The following SLC25A48 variants were observed in gnomAD, a reference collection of about 807,000 sequenced individuals.
SLC25A48 encodes solute carrier family 25 member 48.
In SLC25A48, 29 loss-of-function variants were observed where a neutral mutation model predicts 32.2. The observed-to-expected ratio is 0.90, with a 90% CI of 0.67 to 1.23. SLC25A48 has a LOEUF of 1.23. Ranked by LOEUF, SLC25A48 falls within the 50% of genes most tolerant of loss-of-function variation. The pLI is 0.00. For missense variants in SLC25A48, 399 were observed against 422.7 expected (o/e 0.94, Z 0.49); for synonymous variants, 164 against 172.3 (o/e 0.95, Z 0.38).
intron 3 of SLC25A48, among the ~76,000 whole-genome samples, chr5:135,772,749 T>G (rs1049239514): frequency 2.0e-5 from 3 of 151,456 alleles, no homozygotes; most frequent in Admixed American, 6.6e-5. Context: ...GATGGTGTGA[T>G]ATTTTTCGTA....
chr5:135,801,653 C>T (rs1414229347), intron 3 of SLC25A48, among the ~76,000 whole-genome samples: 1 of 151,144 alleles, frequency 6.6e-6, no homozygotes, highest in Non-Finnish European at 1.5e-5. Context: ...TGATATTACC[C>T]TCAATATCAC....
chr5:135,746,451 T>C, intron 3 of SLC25A48: 1 of 224,100 alleles, frequency 4.5e-6, no homozygotes, highest in Non-Finnish European at 8.7e-6. Context: ...AGGCACCTTC[T>C]CCATTCTGTC....
At chr5:135,590,678 C>A (rs1401990815) in intron 1 of SLC25A48, among the ~76,000 whole-genome samples, 2 of 152,152 alleles carry the variant, frequency 1.3e-5, no homozygotes, top group African/African-American at 4.8e-5. Context: ...CTGGCCCACC[C>A]CCACCCCAAC....
intron 4 of SLC25A48, among the ~76,000 whole-genome samples, chr5:135,823,534 C>G (rs1432923602): frequency 1.3e-5 from 2 of 152,208 alleles, no homozygotes; most frequent in African/African-American, 2.4e-5. Flanking sequence ...TCTTCCAATA[C>G]TTGGTGTCTA....
chr5:135,785,064 G>T (rs1328325599), intron 3 of SLC25A48, among the ~76,000 whole-genome samples: 1 of 152,008 alleles, frequency 6.6e-6, no homozygotes, highest in Non-Finnish European at 1.5e-5. Flanking sequence ...ATGTACACAC[G>T]CACTCTAATA....
chr5:135,645,447 C>T (rs1315697122), intron 3 of SLC25A48, among the ~76,000 whole-genome samples: 3 of 152,180 alleles, frequency 2.0e-5, no homozygotes, highest in African/African-American at 4.8e-5. Flanking sequence ...ACCTTGAGGA[C>T]GAAATGGGGA....
chr5:135,829,465 A>C (rs925449713), intron 4 of SLC25A48, among the ~76,000 whole-genome samples: 1 of 152,196 alleles, frequency 6.6e-6, no homozygotes, highest in Non-Finnish European at 1.5e-5. Context: ...TCAAGCTGAT[A>C]TCGCCGCGGC....
intron 3 of SLC25A48, among the ~76,000 whole-genome samples, chr5:135,803,237 A>G (rs1757377301): frequency 6.6e-6 from 1 of 151,500 alleles, no homozygotes; most frequent in African/African-American, 2.4e-5. Context: ...TACTTGGCAG[A>G]TGTTATTTAT....
upstream of SLC25A48, among the ~76,000 whole-genome samples, chr5:135,830,199 C>G (rs1285643618): frequency 2.0e-5 from 3 of 152,196 alleles, no homozygotes; most frequent in Non-Finnish European, 4.4e-5. Context: ...GCCAGGCAAA[C>G]CGGGCCAGGA....
chr5:135,643,731 A>T (rs1021449311), intron 3 of SLC25A48, among the ~76,000 whole-genome samples: 10 of 152,174 alleles, frequency 6.6e-5, no homozygotes, highest in African/African-American at 2.4e-4. Context: ...CTCCCAGGTT[A>T]GTGAGCAGCG....
chr5:135,661,616 G>T (rs1339683186), intron 3 of SLC25A48, among the ~76,000 whole-genome samples: 3 of 152,004 alleles, frequency 2.0e-5, no homozygotes, highest in African/African-American at 7.3e-5. Context: ...TTCCCTCCCC[G>T]GTCCTTTTCT....
intron 1 of SLC25A48, among the ~76,000 whole-genome samples, chr5:135,840,300 T>C (rs752194628): frequency 9.2e-5 from 14 of 152,244 alleles, no homozygotes; most frequent in Non-Finnish European, 1.8e-4. Context: ...AGGTAGGTGC[T>C]GTTATTATTC....
chr5:135,736,301 T>C (rs1755359125), intron 3 of SLC25A48, among the ~76,000 whole-genome samples: 1 of 152,114 alleles, frequency 6.6e-6, no homozygotes, highest in Admixed American at 6.5e-5. Flanking sequence ...TCTTGTAGGA[T>C]GGTGAAATTG....
chr5:135,793,447 G>A (rs1384765260), intron 3 of SLC25A48, among the ~76,000 whole-genome samples: 1 of 151,456 alleles, frequency 6.6e-6, no homozygotes, highest in Non-Finnish European at 1.5e-5. Context: ...GTACATTCTG[G>A]GATATTATCC....
chr5:135,697,631 G>A (rs1297911622), intron 3 of SLC25A48, among the ~76,000 whole-genome samples: 4 of 152,128 alleles, frequency 2.6e-5, no homozygotes, highest in African/African-American at 9.7e-5. Flanking sequence ...AAAGTACCAG[G>A]TCCTACATAA....
intron 3 of SLC25A48, among the ~76,000 whole-genome samples, chr5:135,798,924 T>C (rs575098552): frequency 6.6e-6 from 1 of 150,568 alleles, no homozygotes; most frequent in African/African-American, 2.4e-5. Flanking sequence ...TCCTAAAGAG[T>C]GTACACCTGC....
intron 1 of SLC25A48, among the ~76,000 whole-genome samples, chr5:135,588,453 C>T (rs1011124091): frequency 2.0e-5 from 3 of 152,174 alleles, no homozygotes; most frequent in Non-Finnish European, 2.9e-5. Flanking sequence ...TGCTCTGTGC[C>T]GGGGTTGCAG....
intron 3 of SLC25A48, among the ~76,000 whole-genome samples, chr5:135,752,463 C>A (rs1264333839): frequency 1.3e-5 from 2 of 152,212 alleles, no homozygotes; most frequent in African/African-American, 4.8e-5. Context: ...AATAGTATCA[C>A]AACGTGTCCA....
intron 3 of SLC25A48, among the ~76,000 whole-genome samples, chr5:135,767,614 A>C (rs1756276940): frequency 6.6e-6 from 1 of 151,852 alleles, no homozygotes; most frequent in African/African-American, 2.4e-5. Flanking sequence ...CCAATATCGC[A>C]GGGGGTGTAC....
Sources: gnomAD v4.1 joint callset for allele counts (sites outside exome capture counted in the v4.1 genomes callset) on GRCh38, gnomAD v4.1.1 for gene constraint, MANE v1.5 for transcripts, NCBI Gene and HGNC (gene_info 2026-07-23, HGNC 2026-07-21) for gene names.